Variants in CSMD1 observed in about 807,000 individuals in gnomAD.
CSMD1 encodes CUB and Sushi multiple domains 1.
Under a neutral mutation model 417.5 loss-of-function variants are expected in CSMD1, and 213 were observed. The ratio of observed to expected loss-of-function variants is 0.51; its 90% CI spans 0.46 to 0.57. The LOEUF is 0.57. CSMD1 is among the 20% of genes least tolerant of loss of function. The pLI, the probability that CSMD1 is intolerant of heterozygous loss-of-function variation, is 0.00. For missense variants in CSMD1, 6,923 were observed against 4,529.7 expected (o/e 1.53, Z -15.17); for synonymous variants, 2,862 against 1,736.8 (o/e 1.65, Z -16.11).
chr8:3,028,687 G>A (rs189050797), intron 51 of CSMD1, among the ~76,000 whole-genome samples: 175 of 151,932 alleles, frequency 1.2e-3, no homozygotes, highest in Non-Finnish European at 2.1e-3. Context: ...TTTTATTCTG[G>A]CATATTCTTA....
rs557993961 is a variant in CSMD1 at position 4,304,890 on chromosome 8, T to A, written c.415+115063A>T. 2.0e-5 allele frequency among the ~76,000 whole-genome samples: 3 copies of A among 152,270 alleles called. No homozygotes were observed. The East Asian group carries it at 5.8e-4, about 29-fold the overall frequency. On this transcript the variant is annotated intron_variant, in intron 3 of 69. Transcript: ENST00000635120. Reference sequence around the variant, plus strand: ...TTTCACAAAATATACTCTTAATCTATCAAAATATATATTAAGGTGTAACGA... The same window carrying A: ...TTTCACAAAATATACTCTTAATCTAACAAAATATATATTAAGGTGTAACGA...
chr8:4,591,406 G>A (rs1799975619), intron 2 of CSMD1, among the ~76,000 whole-genome samples: 1 of 152,204 alleles, frequency 6.6e-6, no homozygotes, highest in Non-Finnish European at 1.5e-5. Context: ...GTGGAGAAGG[G>A]ATGAAAGAAA....
At chr8:4,445,763 TCTACA>T (rs932754400) in intron 2 of CSMD1, among the ~76,000 whole-genome samples, 9 of 152,212 alleles carry the variant, frequency 5.9e-5, no homozygotes, top group African/African-American at 2.2e-4. Context: ...GTCCTGAGAA[TCTACA>T]CTAAGAAATC....
chr8:3,515,784 G>A (rs931950176), intron 10 of CSMD1, among the ~76,000 whole-genome samples: 5 of 152,206 alleles, frequency 3.3e-5, no homozygotes, highest in Admixed American at 6.5e-5. Flanking sequence ...TTCTGAACAT[G>A]TAGGAAGTGT....
intron 10 of CSMD1, among the ~76,000 whole-genome samples, chr8:3,562,831 T>A (rs921647508): frequency 2.0e-5 from 3 of 152,058 alleles, no homozygotes; most frequent in Admixed American, 6.6e-5. Flanking sequence ...TAGGCTTATT[T>A]ACCGGGTGAT....
chr8:4,919,111 T>G (rs764064723), intron 1 of CSMD1, among the ~76,000 whole-genome samples: 2 of 152,214 alleles, frequency 1.3e-5, no homozygotes, highest in African/African-American at 4.8e-5. Context: ...TAACATGTCA[T>G]GCCTTACTTC....
intron 25 of CSMD1, among the ~76,000 whole-genome samples, chr8:3,303,536 C>A (rs1332977287): frequency 5.9e-5 from 9 of 152,206 alleles, no homozygotes. Flanking sequence ...TAATTCCCTT[C>A]AACTATACTA....
intron 3 of CSMD1, among the ~76,000 whole-genome samples, chr8:4,061,164 T>A (rs1189207249): frequency 2.0e-5 from 3 of 152,142 alleles, no homozygotes. Flanking sequence ...CCCCTTACGA[T>A]GGAAAATCCC....
In CSMD1 at chr8:3,279,280, C is replaced by G. The variant is rs1802551047; in HGVS notation, c.4153+4864G>C. The stretch of plus-strand genomic sequence containing the variant: ...AGGCAGGACCATGTCCCTCTCTGGA[C>G]TCACCACACTGAATCATCCAGCAAC... On this transcript the variant is annotated intron_variant, in intron 26 of 69. Coordinates refer to ENST00000635120, the MANE Select transcript of CSMD1 (RefSeq NM_033225.6). 4 of 152,192 alleles carry G rather than the reference C, an allele frequency of 2.6e-5. No homozygotes were observed. The South Asian group carries it at 6.2e-4, about 24-fold the overall frequency. The allele number at this position is 152,192 out of a possible 1,614,324, so 9.4% of individuals were successfully genotyped here. A position where few individuals can be genotyped will look rare whatever the true frequency, so the allele number is the denominator to read the frequency against.
intron 1 of CSMD1, among the ~76,000 whole-genome samples, chr8:4,764,265 T>C (rs1206050148): frequency 6.6e-6 from 1 of 152,222 alleles, no homozygotes; most frequent in Non-Finnish European, 1.5e-5. Flanking sequence ...ATATATTCTC[T>C]ATAATATTGG....
chr8:3,336,592 C>A (rs556977741), intron 23 of CSMD1, among the ~76,000 whole-genome samples: 1 of 152,292 alleles, frequency 6.6e-6, no homozygotes, highest in Non-Finnish European at 1.5e-5. Flanking sequence ...TTACCCCGCT[C>A]TGATTTTGTC....
intron 3 of CSMD1, among the ~76,000 whole-genome samples, chr8:4,168,409 T>A (rs1379058715): frequency 6.6e-6 from 1 of 151,934 alleles, no homozygotes; most frequent in East Asian, 1.9e-4. Context: ...TCTCAATATA[T>A]ATTTTACATT....
At chr8:4,793,493 C>T (rs1227426725) in intron 1 of CSMD1, among the ~76,000 whole-genome samples, 3 of 152,054 alleles carry the variant, frequency 2.0e-5, no homozygotes, top group Non-Finnish European at 4.4e-5. Flanking sequence ...CCCACGCCAT[C>T]TCCCTGGTTC....
chr8:3,269,711 C>A (rs1414797308), intron 26 of CSMD1, among the ~76,000 whole-genome samples: 1 of 152,108 alleles, frequency 6.6e-6, no homozygotes, highest in African/African-American at 2.4e-5. Context: ...GTGCTGAACT[C>A]CATTTTCGTG....
chr8:4,294,317 C>G (rs921581381), intron 3 of CSMD1, among the ~76,000 whole-genome samples: 1 of 152,164 alleles, frequency 6.6e-6, no homozygotes, highest in Non-Finnish European at 1.5e-5. Context: ...ATAAATAATA[C>G]GTGCACTGAC....
chr8:4,200,268 C>T (rs975918806), intron 3 of CSMD1, among the ~76,000 whole-genome samples: 6 of 152,118 alleles, frequency 3.9e-5, no homozygotes, highest in African/African-American at 1.4e-4. Context: ...ATGATAATTA[C>T]CTTTTTTCAG....
chr8:4,978,118 T>G (rs1810670718), intron 1 of CSMD1, among the ~76,000 whole-genome samples: 1 of 152,192 alleles, frequency 6.6e-6, no homozygotes, highest in Non-Finnish European at 1.5e-5. Context: ...GGTAGCCTAT[T>G]CCAAAGGTCT....
At chr8:4,985,070 G>C (rs568834955) in intron 1 of CSMD1, among the ~76,000 whole-genome samples, 5 of 152,254 alleles carry the variant, frequency 3.3e-5, no homozygotes, top group Admixed American at 6.5e-5. Flanking sequence ...AGGGACGTGG[G>C]TGGAGCTGGA....
At chr8:4,447,483 T>G (rs1438794781) in intron 2 of CSMD1, among the ~76,000 whole-genome samples, 1 of 152,190 alleles carries the variant, frequency 6.6e-6, no homozygotes, top group African/African-American at 2.4e-5. Flanking sequence ...AAACAAAATC[T>G]TTAAATCTAA....
Sources: allele counts gnomAD v4.1 joint callset (sites outside exome capture counted in the v4.1 genomes callset), GRCh38; gene constraint gnomAD v4.1.1; transcripts MANE v1.5; gene names NCBI Gene and HGNC (gene_info 2026-07-23, HGNC 2026-07-21).